DNMT3A: variants seen among roughly 807,000 people sequenced by gnomAD.
DNMT3A encodes DNA methyltransferase 3 alpha, also known as DNA (cytosine-5)-methyltransferase 3A.
In DNMT3A, 267 loss-of-function variants were observed where a neutral mutation model predicts 117.6. That is an observed-to-expected ratio of 2.27 (90% CI 2.05 to 2.51). The LOEUF is 2.51. DNMT3A is among the 30% of genes most tolerant of loss of function. The pLI is 0.00. For synonymous variants in DNMT3A, 432 were observed against 474.8 expected (o/e 0.91, Z 1.17); for missense variants, 1,029 against 1,260.2 (o/e 0.82, Z 2.78).
intron 4 of DNMT3A, among the ~76,000 whole-genome samples, chr2:25,280,581 T>C (rs2031819123): frequency 6.6e-6 from 1 of 150,824 alleles, no homozygotes; most frequent in Non-Finnish European, 1.5e-5. Context: ...GCAGTTCCCC[T>C]GGACATGTTT....
intron 1 of DNMT3A, among the ~76,000 whole-genome samples, chr2:25,331,688 C>G (rs535715718): frequency 1.9e-4 from 29 of 152,352 alleles, no homozygotes; most frequent in Admixed American, 1.8e-3. Flanking sequence ...CTTCAAACAT[C>G]TGCAGGGGTC....
In DNMT3A at chr2:25,293,252, C is replaced by T. The variant is rs1483692623; in HGVS notation, c.177+6887G>A. 6.6e-6 allele frequency among the ~76,000 whole-genome samples: 1 copy of T among 151,722 alleles called. No individual in the cohort carries two copies. The highest frequency in any genetic ancestry group is 2.4e-5 in the African/African-American group (1 of 41,412). On this transcript the variant is annotated intron_variant, in intron 3 of 22. Transcript: ENST00000321117. This position sits in a 1 kb window ranked among gnomAD's most constrained non-coding sequence, Gnocchi z 4.7. Reference sequence around the variant, plus strand: ...GGCCAATTCTGCCCCGCCACTGCCACCCCCCACAGGCCCTGGGACTTTGCT... The same window carrying T: ...GGCCAATTCTGCCCCGCCACTGCCATCCCCCACAGGCCCTGGGACTTTGCT...
At chr2:25,308,015 A>T (rs978327817) in intron 2 of DNMT3A, among the ~76,000 whole-genome samples, 1 of 152,120 alleles carries the variant, frequency 6.6e-6, no homozygotes, top group Non-Finnish European at 1.5e-5. Context: ...TTAGTGACTG[A>T]TGACCCAAAG....
At position 25,229,232 on chromosome 2, in the gene DNMT3A, C is replaced by G. The variant is rs959339877; in HGVS notation, c.*5047G>C. The G allele has an allele frequency of 6.6e-6, 1 of 152,502 alleles. No homozygotes were observed. The highest frequency in any genetic ancestry group is 1.9e-4 in the East Asian group (1 of 5,196). The allele number at this position is 152,502 out of a possible 1,614,324, so 9.4% of individuals were successfully genotyped here. On this transcript the variant is annotated 3_prime_UTR_variant, in exon 23 of 23. Coordinates refer to ENST00000321117, the MANE Select transcript of DNMT3A (RefSeq NM_022552.5). Reference sequence around the variant, plus strand: ...TCACACTACAACAGCAGAGTCCATCCTCTCACCCCTTCCCTCTCCTCCCGG... The same window carrying G: ...TCACACTACAACAGCAGAGTCCATCGTCTCACCCCTTCCCTCTCCTCCCGG...
intron 6 of DNMT3A, among the ~76,000 whole-genome samples, chr2:25,260,035 T>G (rs916931308): frequency 5.9e-5 from 9 of 152,208 alleles, no homozygotes; most frequent in East Asian, 3.8e-4. Flanking sequence ...ACAATCAGAC[T>G]GGCAACCCAA....
At chr2:25,240,804 T>C (rs1673939378) in intron 17 of DNMT3A, 74 bp from the exon 18 acceptor site, 2 of 1,487,246 alleles carry the variant, frequency 1.3e-6, no homozygotes, top group African/African-American at 1.4e-5. Context: ...AGAAATTATC[T>C]GTGAACTTGG....
In DNMT3A at chr2:25,252,230, C is replaced by T. The variant is rs745510890; in HGVS notation, c.640-3978G>A. On this transcript the variant is annotated intron_variant, in intron 6 of 22. Transcript: ENST00000321117. The surrounding 1 kb of genome is among the most constrained non-coding windows in gnomAD (Gnocchi z 5.5). ...GGTGCAGCCCCTCTGCAGTCGCGCT[C>T]AGGTGTGAGCCGCGGCCCTGAAGCT... 23 of 1,533,820 alleles carry T rather than the reference C, an allele frequency of 1.5e-5. No individual in the cohort carries two copies. The highest frequency in any genetic ancestry group is 2.0e-5 in the Non-Finnish European group (23 of 1,140,996).
Position 25,241,669 on chromosome 2 carries a change from G to C in DNMT3A, c.1975C>G (p.Arg659Gly), listed in dbSNP as rs755982635. The change falls in exon 17 of 23, where the codon CGC becomes GGC. Residue 659 changes from arginine to glycine, a missense_variant. Transcript: ENST00000321117. ...VLKDLGIQVDRYIASEVCEDS... is the reference protein window; with the variant it reads ...VLKDLGIQVDGYIASEVCEDS... Reference sequence around the variant, plus strand: ...TCACACACCTCCGAGGCAATGTAGCGGTCCACCTGAATGCCCAAGTCCTTC... The same window carrying C: ...TCACACACCTCCGAGGCAATGTAGCCGTCCACCTGAATGCCCAAGTCCTTC... 1 of 1,613,972 alleles carries C rather than the reference G, an allele frequency of 6.2e-7. No homozygotes were observed. Among genetic ancestry groups the C allele is most frequent in the Non-Finnish European group, 8.5e-7 (1 of 1,179,942 alleles).
intron 13 of DNMT3A, 137 bp from the exon 14 acceptor site, chr2:25,244,789 G>A (rs1003671438): frequency 1.4e-6 from 1 of 709,950 alleles, no homozygotes; most frequent in Non-Finnish European, 2.4e-6. Flanking sequence ...CCAGGGTCAG[G>A]CCCCAGCTGC....
chr2:25,314,277 C>A (rs1047370460), intron 1 of DNMT3A, 116 bp from the exon 2 acceptor site: 3 of 1,260,694 alleles, frequency 2.4e-6, no homozygotes, highest in Non-Finnish European at 3.0e-6. Flanking sequence ...CTCCTTCTGG[C>A]CTCACCAGCA....
intron 4 of DNMT3A, among the ~76,000 whole-genome samples, chr2:25,277,110 GGGGGC>G (rs997054776): frequency 2.0e-5 from 3 of 152,194 alleles, no homozygotes; most frequent in African/African-American, 7.2e-5. Flanking sequence ...CTCAGCCCGC[GGGGGC>G]CGCGTGGGCG....
chr2:25,289,172 G>A (rs1390049405), intron 3 of DNMT3A, among the ~76,000 whole-genome samples: 5 of 150,372 alleles, frequency 3.3e-5, no homozygotes, highest in Admixed American at 6.6e-5. Context: ...GCGCGATCTC[G>A]GCTCACTGCA....
In DNMT3A at chr2:25,306,472, G is replaced by A. The variant is rs905118063; in HGVS notation, c.73-6229C>T. 7.9e-5 allele frequency among the ~76,000 whole-genome samples: 12 copies of A among 152,196 alleles called. No individual in the cohort carries two copies. The highest frequency in any genetic ancestry group is 2.9e-4 in the African/African-American group (12 of 41,434). ...GAAAGGCCACTCTCCTGGAGGGGAG[G>A]GGCCGTGTCTCATTGGCGCCTCTGA... On this transcript the variant is annotated intron_variant, in intron 2 of 22. Transcript: ENST00000321117. The surrounding 1 kb of genome is among the most constrained non-coding windows in gnomAD (Gnocchi z 4.1).
At position 25,230,664 on chromosome 2, in the gene DNMT3A, G is replaced by T; in HGVS notation, c.*3615C>A. ...AGGCCCCAGCGTTGAGGTGGATTAA[G>T]CATATCTCAGCTTGGCCAAGTTGGC... is the stretch of plus-strand genomic sequence containing the variant. On this transcript the variant is annotated 3_prime_UTR_variant, in exon 23 of 23. Transcript: ENST00000321117. The T allele has an allele frequency of 6.6e-6, 1 of 152,380 alleles. No individual in the cohort carries two copies. Among genetic ancestry groups the T allele is most frequent in the Middle Eastern group, 3.4e-3 (1 of 298 alleles). The allele number at this position is 152,380 out of a possible 1,614,324, so 9.4% of individuals were successfully genotyped here.
In DNMT3A at chr2:25,281,727, T is replaced by G; in HGVS notation, c.448+714A>C. ...ATTACTAACATGTTTACAGCTCGGT[T>G]GGCCCTGAAATTGCTGGCTTAACCT... On this transcript the variant is annotated intron_variant, in intron 4 of 22. Transcript: ENST00000321117. The surrounding 1 kb of genome is among the most constrained non-coding windows in gnomAD (Gnocchi z 4.8). The G allele has an allele frequency of 9.4e-7, 1 of 1,066,082 alleles. No individual in the cohort carries two copies. Among genetic ancestry groups the G allele is most frequent in the Non-Finnish European group, 1.1e-6 (1 of 879,702 alleles). 66.0% of individuals were successfully genotyped at this position (1,066,082 alleles called of 1,614,324 possible).
intron 2 of DNMT3A, 89 bp downstream of exon 2, chr2:25,313,824 A>G: frequency 6.5e-7 from 1 of 1,538,874 alleles, no homozygotes; most frequent in Non-Finnish European, 8.8e-7. Context: ...GCGGTCATGC[A>G]CTCAGTATGA....
rs201948057 is a variant in DNMT3A at position 25,307,417 on chromosome 2, C to T, written c.72+6496G>A. On this transcript the variant is annotated intron_variant, in intron 2 of 22. Coordinates refer to ENST00000321117, the MANE Select transcript of DNMT3A (RefSeq NM_022552.5). ...AGGTGACCTGCCCACCTCAGCCTCC[C>T]GAAGGGCTAGGATTACAGGCATGAG... Among the ~76,000 whole-genome samples the T allele has an allele frequency of 1.7e-4, 25 of 150,814 alleles. No individual in the cohort carries two copies. The East Asian group carries it at 4.3e-3, about 26-fold the overall frequency.
At chr2:25,310,646 C>T (rs904848025) in intron 2 of DNMT3A, among the ~76,000 whole-genome samples, 2 of 152,134 alleles carry the variant, frequency 1.3e-5, no homozygotes, top group South Asian at 2.1e-4. Context: ...TTTTTCTTTC[C>T]GTTCTATCCG....
At chr2:25,249,726 T>C (rs1200014456) in intron 6 of DNMT3A, 1 of 1,614,166 alleles carries the variant, frequency 6.2e-7, no homozygotes, top group Middle Eastern at 1.6e-4. Flanking sequence ...CCAGGATCCC[T>C]ACAAAGGAGA....
Sources: allele counts gnomAD v4.1 joint callset (sites outside exome capture counted in the v4.1 genomes callset), GRCh38; gene constraint gnomAD v4.1.1; non-coding constraint Gnocchi (gnomAD v3.1); transcripts MANE v1.5; gene names NCBI Gene and HGNC (gene_info 2026-07-23, HGNC 2026-07-21).